The following R3HDM1 variants were observed in gnomAD, a reference collection of about 807,000 sequenced individuals.
R3HDM1 encodes the protein R3H domain-containing protein 1.
Under a neutral mutation model 141.1 loss-of-function variants are expected in R3HDM1, and 46 were observed. That is an observed-to-expected ratio of 0.33 (90% CI 0.26 to 0.42). The LOEUF (loss-of-function observed/expected upper bound fraction) is 0.42, where lower values mean the gene tolerates loss of function less well. R3HDM1 is among the 10% of genes least tolerant of loss of function. The probability of loss-of-function intolerance (pLI) is 1.00; values close to 1 mark genes in which losing one functional copy is unlikely to be tolerated. For missense variants in R3HDM1, 1,184 were observed against 1,368.3 expected, an observed-to-expected ratio of 0.87 and a Z score of 2.12; for synonymous variants, 435 against 472.9, an observed-to-expected ratio of 0.92 and a Z score of 1.04.
chr2:135,576,453 G>A (rs1288150183), intron 1 of R3HDM1, among the ~76,000 whole-genome samples: 2 of 152,106 alleles, frequency 1.3e-5, no homozygotes, highest in African/African-American at 4.8e-5. Context: ...GAATGTCCCA[G>A]ATAATAAATG....
chr2:135,662,281 T>C (rs553057042), intron 19 of R3HDM1, among the ~76,000 whole-genome samples: 1 of 152,350 alleles, frequency 6.6e-6, no homozygotes, highest in East Asian at 1.9e-4. Context: ...TGAGGCTGTT[T>C]ACTGCTCTTG....
chr2:135,636,532 A>G (rs2063268855), intron 11 of R3HDM1, among the ~76,000 whole-genome samples: 2 of 152,168 alleles, frequency 1.3e-5, no homozygotes, highest in South Asian at 4.1e-4. Flanking sequence ...CTACAAAATC[A>G]TATACTCTAG....
chr2:135,624,393 C>CA (rs781574838), intron 7 of R3HDM1, among the ~76,000 whole-genome samples: 10,940 of 61,104 alleles, frequency 0.18, 710 homozygotes, highest in South Asian at 0.43. Context: ...GACTCCGTCT[C>CA]AAAAAAAAAA....
intron 7 of R3HDM1, among the ~76,000 whole-genome samples, chr2:135,628,906 G>A (rs989171908): frequency 6.6e-6 from 1 of 152,052 alleles, no homozygotes; most frequent in Non-Finnish European, 1.5e-5. Flanking sequence ...GATTACAGGC[G>A]TGAGCCACCG....
intron 1 of R3HDM1, chr2:135,577,076 T>A: frequency 1.1e-6 from 1 of 926,482 alleles, no homozygotes. Flanking sequence ...AGGTTAAGAA[T>A]CTAAATGTTT....
chr2:135,702,211 CAG>C (rs1491435886), intron 21 of R3HDM1, among the ~76,000 whole-genome samples: 5 of 69,438 alleles, frequency 7.2e-5, no homozygotes, highest in South Asian at 8.0e-4. Context: ...GACGTTGTCT[CAG>C]GGGGAAAAAA....
intron 21 of R3HDM1, among the ~76,000 whole-genome samples, chr2:135,707,010 AC>A (rs1254964272): frequency 1.4e-4 from 21 of 149,424 alleles, no homozygotes; most frequent in Admixed American, 1.3e-3. Context: ...CGGGGGGCTG[AC>A]CCCCCCACCT....
intron 14 of R3HDM1, among the ~76,000 whole-genome samples, chr2:135,639,606 AAAAC>A (rs997834594): frequency 1.3e-5 from 2 of 152,222 alleles, no homozygotes; most frequent in Admixed American, 6.5e-5. Context: ...TTAAAAAACA[AAAAC>A]AAGTAACTTA....
rs1448692337 is a variant in R3HDM1 at position 135,602,037 on chromosome 2, T to C, written c.-249-463T>C. ...AAAATGTTAAATGGCTTGTTATTTT[T>C]GTTTTATTTTTTCTTTTGTATTTTT... On this transcript the variant is annotated intron_variant, in intron 1 of 26. Coordinates refer to ENST00000683871, the MANE Select transcript of R3HDM1 (RefSeq NM_001378107.1). 2.0e-5 allele frequency among the ~76,000 whole-genome samples: 3 copies of C among 151,974 alleles called. 1 individual carries two copies. The highest frequency in any genetic ancestry group is 4.4e-5 in the Non-Finnish European group (3 of 67,996).
At position 135,722,486 on chromosome 2, in the gene R3HDM1, G is replaced by C; in HGVS notation, c.2982G>C (p.Arg994Ser). The change falls in exon 26 of 27, where the codon AGG becomes AGC. Residue 994 changes from arginine (R) to serine (S), a missense_variant. Arg to Ser is a moderately radical substitution (Grantham distance 110). This residue lies in a region of R3HDM1 where 182 missense variants were observed against 252.6 expected (regional missense o/e 0.72). Coordinates refer to ENST00000683871, the MANE Select transcript of R3HDM1 (RefSeq NM_001378107.1). The stretch of plus-strand genomic sequence containing the variant: ...GTTTTCAGGGTCAGCCTGGCAGCAG[G>C]CATGGAAACCGAGGAAGGAGACAAG... Reference protein sequence around the residue: ...IPNQQGQPGSRHGNRGRRQAK... With the variant: ...IPNQQGQPGSSHGNRGRRQAK... 6.2e-7 allele frequency: 1 copy of C among 1,613,830 alleles called. No individual in the cohort carries two copies. Among genetic ancestry groups the C allele is most frequent in the Non-Finnish European group, 8.5e-7 (1 of 1,180,008 alleles).
Position 135,641,557 on chromosome 2 carries a change from T to C in R3HDM1, c.1241T>C (p.Val414Ala). 2 of 1,613,942 alleles carry C rather than the reference T, an allele frequency of 1.2e-6. No individual in the cohort carries two copies. The highest frequency in any genetic ancestry group is 1.7e-6 in the Non-Finnish European group (2 of 1,179,866). The change falls in exon 15 of 27, where the codon GTA (valine) becomes GCA (alanine). Residue 414 changes from valine to alanine, a missense_variant. Val to Ala is a moderately conservative substitution (Grantham distance 64, BLOSUM62 0). Transcript: ENST00000683871. ...SKTGSESSGS[V>A]GSSTGSLSHI... ...CTAGGTTCTGAGTCTTCTGGTAGTGTAGGGTCATCTACAGGCTCTCTTTCT... is the reference window on the plus strand; with the variant it reads ...CTAGGTTCTGAGTCTTCTGGTAGTGCAGGGTCATCTACAGGCTCTCTTTCT...
chr2:135,556,955 CT>C (rs924873671), intron 1 of R3HDM1, among the ~76,000 whole-genome samples: 2 of 151,206 alleles, frequency 1.3e-5, no homozygotes, highest in Non-Finnish European at 3.0e-5. Context: ...CTCTAGCATC[CT>C]TTTTTTTTAA....
At chr2:135,575,657 C>CA (rs1194164962) in intron 1 of R3HDM1, among the ~76,000 whole-genome samples, 1 of 152,158 alleles carries the variant, frequency 6.6e-6, no homozygotes, top group Non-Finnish European at 1.5e-5. Flanking sequence ...AGCAGTCAGT[C>CA]ACAATGGTAG....
chr2:135,550,737 C>A (rs928897751), intron 1 of R3HDM1, among the ~76,000 whole-genome samples: 1 of 152,006 alleles, frequency 6.6e-6, no homozygotes, highest in Non-Finnish European at 1.5e-5. Context: ...TTTCTTTTTT[C>A]TCCTCTTTCT....
At chr2:135,566,256 C>T (rs746023498) in intron 1 of R3HDM1, among the ~76,000 whole-genome samples, 61 of 152,194 alleles carry the variant, frequency 4.0e-4, no homozygotes, top group Non-Finnish European at 6.5e-4. Flanking sequence ...AGATAGAAGG[C>T]TAGGGGTTTT....
At chr2:135,609,977 G>A (rs956304725) in intron 3 of R3HDM1, among the ~76,000 whole-genome samples, 1 of 151,980 alleles carries the variant, frequency 6.6e-6, no homozygotes, top group Non-Finnish European at 1.5e-5. Context: ...CAGGGAGATC[G>A]AGGTTGCAGT....
At chr2:135,722,443 T>A in intron 25 of R3HDM1, 26 bp from the exon 26 acceptor site, 2 of 1,610,214 alleles carry the variant, frequency 1.2e-6, no homozygotes, top group Non-Finnish European at 1.7e-6. Flanking sequence ...ATTAACGTTG[T>A]TTCTCAACTA....
intron 18 of R3HDM1, among the ~76,000 whole-genome samples, chr2:135,653,932 T>C (rs910696446): frequency 2.6e-5 from 4 of 152,340 alleles, no homozygotes; most frequent in African/African-American, 9.6e-5. Context: ...AGGGTTCTTT[T>C]GTGGGGCAGG....
At chr2:135,596,525 A>T (rs1247257830) in intron 1 of R3HDM1, among the ~76,000 whole-genome samples, 2 of 152,116 alleles carry the variant, frequency 1.3e-5, no homozygotes, top group Admixed American at 1.3e-4. Flanking sequence ...TCTCCGTCTT[A>T]CCCAATCCCT....
Sources: gnomAD v4.1 joint callset for allele counts (sites outside exome capture counted in the v4.1 genomes callset) on GRCh38, gnomAD v4.1.1 for gene constraint, gnomAD v4.1.1 regional missense constraint, MANE v1.5 for transcripts, NCBI Gene and HGNC (gene_info 2026-07-23, HGNC 2026-07-21) for gene names.